RNF170: variants seen among roughly 807,000 people sequenced by gnomAD.
The protein encoded by RNF170 is E3 ubiquitin-protein ligase RNF170.
Under a neutral mutation model 32.7 loss-of-function variants are expected in RNF170, and 12 were observed. The observed-to-expected ratio is 0.37, with a 90% CI of 0.24 to 0.60. The LOEUF is 0.60. Among genes scored for constraint, RNF170 ranks in the 20% least tolerant of loss-of-function variants. RNF170 has a pLI of 0.72. For missense variants in RNF170, 212 were observed against 311.2 expected, an observed-to-expected ratio of 0.68 and a Z score of 2.40; for synonymous variants, 91 against 103.6, an observed-to-expected ratio of 0.88 and a Z score of 0.74.
At chr8:42,870,953 A>G (rs1804476962) in intron 3 of RNF170, among the ~76,000 whole-genome samples, 1 of 152,140 alleles carries the variant, frequency 6.6e-6, no homozygotes, top group African/African-American at 2.4e-5. Context: ...TCACACCTGT[A>G]ACCCCAGCAC....
intron 2 of RNF170, among the ~76,000 whole-genome samples, chr8:42,875,797 G>A (rs189718358): frequency 2.0e-5 from 3 of 152,292 alleles, no homozygotes; most frequent in East Asian, 1.9e-4. Context: ...GGCTGGTCTC[G>A]ATCCGGACCT....
chr8:42,866,395 GC>G (rs1333290547), intron 4 of RNF170, among the ~76,000 whole-genome samples: 1 of 151,768 alleles, frequency 6.6e-6, no homozygotes, highest in Non-Finnish European at 1.5e-5. Context: ...AAAAAAATTA[GC>G]CGGGGGTGGT....
chr8:42,874,292 T>C (rs1184462791), intron 2 of RNF170, among the ~76,000 whole-genome samples: 9 of 152,308 alleles, frequency 5.9e-5, no homozygotes, highest in Admixed American at 5.9e-4. Flanking sequence ...GTAAAGAACA[T>C]TTGTTTCTTT....
At chr8:42,861,687 T>C in intron 6 of RNF170, 58 bp downstream of exon 6, 1 of 1,372,242 alleles carries the variant, frequency 7.3e-7, no homozygotes, top group Non-Finnish European at 1.0e-6. Context: ...AACCTCACTT[T>C]ACAAAAGAGA....
At chr8:42,866,911 C>A (rs1563257183) in intron 4 of RNF170, among the ~76,000 whole-genome samples, 1 of 152,190 alleles carries the variant, frequency 6.6e-6, no homozygotes, top group Non-Finnish European at 1.5e-5. Context: ...TTGTAGGACA[C>A]CTGCATCTTC....
Position 42,856,141 on chromosome 8 carries a change from TC to T in RNF170, c.*17del. 1 of 1,611,794 alleles carries T rather than the reference TC, an allele frequency of 6.2e-7. No homozygotes were observed. The highest frequency in any genetic ancestry group is 8.5e-7 in the Non-Finnish European group (1 of 1,179,656). The stretch of plus-strand genomic sequence containing the variant: ...CATTAGCTCAGATATCCTAGTAAAC[TC>T]AGTTTTGTTTTCTTTTTCATCTAGT... On this transcript the variant is annotated 3_prime_UTR_variant, in exon 7 of 7. Coordinates refer to ENST00000527424, the MANE Select transcript of RNF170 (RefSeq NM_030954.4).
rs924255667 is a variant in RNF170 at position 42,854,488 on chromosome 8, G to C, written c.*1671C>G. On this transcript the variant is annotated 3_prime_UTR_variant, in exon 7 of 7. Coordinates refer to ENST00000527424, the MANE Select transcript of RNF170 (RefSeq NM_030954.4). ...AAAGGATAAAATGAAAAGTATGTGA[G>C]AAACCTGCTTTAATTATAATGTGCT... 1.6e-5 allele frequency: 21 copies of C among 1,286,158 alleles called. No individual in the cohort carries two copies. The Admixed American group carries it at 4.8e-4, about 30-fold the overall frequency. The allele number at this position is 1,286,158 out of a possible 1,614,324, so 79.7% of individuals were successfully genotyped here.
At chr8:42,879,129 C>T (rs984986337) in intron 2 of RNF170, among the ~76,000 whole-genome samples, 1 of 152,172 alleles carries the variant, frequency 6.6e-6, no homozygotes, top group Non-Finnish European at 1.5e-5. Flanking sequence ...TACACCTAGT[C>T]ACCCACGAGC....
At position 42,866,067 on chromosome 8, in the gene RNF170, T is replaced by C. The variant is rs998080918; in HGVS notation, c.323-578A>G. ...ACTGCCTTAATACTATGAAGCTTCA[T>C]ACAAAACATTATATTTCCTATGTGA... On this transcript the variant is annotated intron_variant, in intron 4 of 6. Transcript: ENST00000527424. 2.0e-5 allele frequency among the ~76,000 whole-genome samples: 3 copies of C among 152,178 alleles called. No individual in the cohort carries two copies. In the East Asian group the frequency reaches 5.8e-4, roughly 29 times the overall value.
intron 3 of RNF170, among the ~76,000 whole-genome samples, chr8:42,871,806 G>A (rs917687620): frequency 6.6e-6 from 1 of 152,266 alleles, no homozygotes; most frequent in African/African-American, 2.4e-5. Flanking sequence ...TGATCTGCCC[G>A]CCTCAGCCTC....
chr8:42,880,812 C>T (rs1805335120), intron 2 of RNF170, among the ~76,000 whole-genome samples: 1 of 152,164 alleles, frequency 6.6e-6, no homozygotes, highest in Non-Finnish European at 1.5e-5. Flanking sequence ...TGTCAGCAAC[C>T]ACCACCCTGA....
chr8:42,891,204 A>G (rs753836986), intron 1 of RNF170, among the ~76,000 whole-genome samples: 9 of 152,196 alleles, frequency 5.9e-5, no homozygotes, highest in African/African-American at 9.7e-5. Flanking sequence ...GTAAAAGTAA[A>G]TAAAATTCAA....
At chr8:42,866,510 G>C (rs1804092955) in intron 4 of RNF170, among the ~76,000 whole-genome samples, 1 of 151,998 alleles carries the variant, frequency 6.6e-6, no homozygotes, top group Admixed American at 6.6e-5. Context: ...CTTCAATCTG[G>C]GAGGCGGAGG....
At position 42,885,041 on chromosome 8, in the gene RNF170, G is replaced by A. The variant is rs1397142943; in HGVS notation, c.137+2687C>T. ...TGCATCTGTGTAACTGAAACTTTGCGCTGTTAGACTATCTTTCCATCGCCT... is the reference window on the plus strand; with the variant it reads ...TGCATCTGTGTAACTGAAACTTTGCACTGTTAGACTATCTTTCCATCGCCT... On this transcript the variant is annotated intron_variant, in intron 2 of 6. Coordinates refer to ENST00000527424, the MANE Select transcript of RNF170 (RefSeq NM_030954.4). 4.7e-5 allele frequency among the ~76,000 whole-genome samples: 7 copies of A among 150,320 alleles called. No individual in the cohort carries two copies. The South Asian group carries it at 6.4e-4, about 14-fold the overall frequency.
At chr8:42,870,339 A>C (rs1334640236) in intron 3 of RNF170, among the ~76,000 whole-genome samples, 1 of 152,214 alleles carries the variant, frequency 6.6e-6, no homozygotes, top group East Asian at 1.9e-4. Context: ...AAAGACAAAA[A>C]CTTAGATTAA....
chr8:42,897,203 C>T (rs1807009831), upstream of RNF170: 3 of 1,239,714 alleles, frequency 2.4e-6, no homozygotes, highest in Non-Finnish European at 3.0e-6. Context: ...GTGGGGGCCG[C>T]GGGCCGGCGG....
chr8:42,853,234 G>C (rs994948539), downstream of RNF170: 5 of 695,944 alleles, frequency 7.2e-6, no homozygotes, highest in Non-Finnish European at 9.9e-6. Context: ...CCATTATACT[G>C]AATGCTCTTT....
chr8:42,865,422 T>TCTACCAAAA lies in RNF170; in HGVS notation c.389_390insTTTTGGTAG (p.Cys129_Arg130insSerPheGly). On this transcript the variant is annotated inframe_insertion, in exon 5 of 7. Coordinates refer to ENST00000527424, the MANE Select transcript of RNF170 (RefSeq NM_030954.4). The stretch of plus-strand genomic sequence containing the variant: ...TCTGCACACAAAACATTACCGTTTG[T>TCTACCAAAA]CTACAGATTGGACAACTGATTGCCC... 1 of 1,612,268 alleles carries TCTACCAAAA rather than the reference T, an allele frequency of 6.2e-7. No homozygotes were observed.
intron 4 of RNF170, among the ~76,000 whole-genome samples, chr8:42,867,755 G>T (rs1172723204): frequency 9.3e-6 from 1 of 106,984 alleles, no homozygotes; most frequent in Non-Finnish European, 1.7e-5. Flanking sequence ...CAGCCTGGGC[G>T]ACAGAGCAAG....
Sources: allele counts gnomAD v4.1 joint callset (sites outside exome capture counted in the v4.1 genomes callset), GRCh38; gene constraint gnomAD v4.1.1; transcripts MANE v1.5; gene names NCBI Gene and HGNC (gene_info 2026-07-23, HGNC 2026-07-21).